The following DIP2C variants were observed in gnomAD, a reference collection of about 807,000 sequenced individuals.
DIP2C encodes the protein DIP2 acetate--CoA ligase C (putative).
In DIP2C, 33 loss-of-function variants were observed where a neutral mutation model predicts 192.4. The observed-to-expected ratio is 0.17, with a 90% CI of 0.13 to 0.23. DIP2C has a LOEUF of 0.23. Among genes scored for constraint, DIP2C ranks in the 10% least tolerant of loss-of-function variants. DIP2C has a pLI of 1.00. For missense variants in DIP2C, 1,537 were observed against 2,110.1 expected (o/e 0.73, Z 5.32); for synonymous variants, 979 against 864.1 (o/e 1.13, Z -2.33).
At chr10:598,705 G>T (rs757527817) in intron 1 of DIP2C, among the ~76,000 whole-genome samples, 2 of 152,128 alleles carry the variant, frequency 1.3e-5, no homozygotes, top group Non-Finnish European at 2.9e-5. Flanking sequence ...AATCCACACC[G>T]TGGCTTGTGT....
chr10:337,438 GA>G (rs2132526938), intron 29 of DIP2C, among the ~76,000 whole-genome samples: 3 of 147,394 alleles, frequency 2.0e-5, no homozygotes, highest in South Asian at 2.2e-4. Flanking sequence ...GGCCTAGGCT[GA>G]TTGTGTGTGC....
intron 1 of DIP2C, among the ~76,000 whole-genome samples, chr10:673,525 A>G (rs1240874296): frequency 6.6e-6 from 1 of 152,172 alleles, no homozygotes; most frequent in Non-Finnish European, 1.5e-5. Flanking sequence ...AATCAAAACT[A>G]TCAGCAGAAT....
chr10:682,700 A>G (rs538682980), intron 1 of DIP2C, among the ~76,000 whole-genome samples: 2 of 152,244 alleles, frequency 1.3e-5, no homozygotes, highest in South Asian at 4.1e-4. Context: ...TTTTAATGGT[A>G]TATTACTTCT....
chr10:485,981 C>T (rs902665799), intron 2 of DIP2C, among the ~76,000 whole-genome samples: 2 of 152,200 alleles, frequency 1.3e-5, no homozygotes, highest in Non-Finnish European at 2.9e-5. Flanking sequence ...AACCGACTGC[C>T]CTTCTCAAGA....
At chr10:442,141 A>ATGGCCAG (rs1967790117) in intron 3 of DIP2C, among the ~76,000 whole-genome samples, 1 of 152,028 alleles carries the variant, frequency 6.6e-6, no homozygotes, top group Non-Finnish European at 1.5e-5. Flanking sequence ...ACCAACCAAA[A>ATGGCCAG]TGGCCAGTGT....
intron 1 of DIP2C, among the ~76,000 whole-genome samples, chr10:607,773 ACCT>A (rs1211946503): frequency 6.6e-6 from 1 of 151,896 alleles, no homozygotes; most frequent in Admixed American, 6.6e-5. Flanking sequence ...GACAATGGAA[ACCT>A]CTTCTTAGAC....
At chr10:513,200 C>G (rs563652143) in intron 1 of DIP2C, among the ~76,000 whole-genome samples, 2 of 151,994 alleles carry the variant, frequency 1.3e-5, no homozygotes, top group East Asian at 3.9e-4. Context: ...TAAATTATTA[C>G]ATGTTTAGTC....
At chr10:318,594 A>G (rs917652707) in intron 31 of DIP2C, among the ~76,000 whole-genome samples, 1 of 152,174 alleles carries the variant, frequency 6.6e-6, no homozygotes, top group Non-Finnish European at 1.5e-5. Context: ...GGTGCCTCAA[A>G]CTGCCAAAGG....
At chr10:495,032 CAA>C (rs1844714859) in intron 1 of DIP2C, among the ~76,000 whole-genome samples, 1 of 152,210 alleles carries the variant, frequency 6.6e-6, no homozygotes, top group African/African-American at 2.4e-5. Context: ...ATGGACAAAA[CAA>C]ATACTATTCA....
intron 1 of DIP2C, among the ~76,000 whole-genome samples, chr10:575,774 A>G (rs547062558): frequency 8.5e-5 from 13 of 152,228 alleles, no homozygotes; most frequent in Non-Finnish European, 1.8e-4. Flanking sequence ...GCAGGGCCAG[A>G]GCCAGGGGCA....
intron 31 of DIP2C, among the ~76,000 whole-genome samples, chr10:325,740 C>T (rs1957243005): frequency 6.6e-6 from 1 of 152,104 alleles, no homozygotes; most frequent in Admixed American, 6.6e-5. Context: ...TTCAGATGAC[C>T]TCTTAGAAAA....
chr10:275,404 A>C lies in DIP2C; in HGVS notation c.*1921T>G, dbSNP rs1954462741. 1.3e-5 allele frequency: 2 copies of C among 152,152 alleles called. No individual in the cohort carries two copies. The highest frequency in any genetic ancestry group is 1.3e-4 in the Admixed American group (2 of 15,278). The allele number at this position is 152,152 out of a possible 1,614,324, so 9.4% of individuals were successfully genotyped here. A position where few individuals can be genotyped will look rare whatever the true frequency, so the allele number is the denominator to read the frequency against. Reference sequence around the variant, plus strand: ...CAATGAGGTCAAACAATATTTCAAGAATCAAATGGTTTGTGGAGATGGAAG... The same window carrying C: ...CAATGAGGTCAAACAATATTTCAAGCATCAAATGGTTTGTGGAGATGGAAG... On this transcript the variant is annotated 3_prime_UTR_variant, in exon 37 of 37. Transcript: ENST00000280886.
At chr10:502,455 A>C (rs2130715423) in intron 1 of DIP2C, among the ~76,000 whole-genome samples, 1 of 152,346 alleles carries the variant, frequency 6.6e-6, no homozygotes, top group South Asian at 2.1e-4. Flanking sequence ...ATTCGAAAAA[A>C]GTAAGGTCTC....
chr10:348,860 G>C, intron 25 of DIP2C, 98 bp from the exon 26 acceptor site: 1 of 1,536,760 alleles, frequency 6.5e-7, no homozygotes, highest in Non-Finnish European at 8.8e-7. Flanking sequence ...AAGTTCAACA[G>C]GGAAACGAGC....
rs143327925 is a variant in DIP2C, at chr10:433,436, G to A, written c.394+7435C>T. ...TCATGCCTGTAATCCCAGCACTTTA[G>A]GAGGCCGAGGCAGGATGATCACCTG... On this transcript the variant is annotated intron_variant, in intron 4 of 36. Transcript: ENST00000280886. Among the ~76,000 whole-genome samples, 7 of 152,220 alleles carry A rather than the reference G, an allele frequency of 4.6e-5. No homozygotes were observed. In the East Asian group the frequency reaches 1.3e-3, roughly 29 times the overall value.
chr10:490,619 A>G (rs1210243530), intron 1 of DIP2C, among the ~76,000 whole-genome samples: 4 of 152,290 alleles, frequency 2.6e-5, no homozygotes, highest in Admixed American at 6.5e-5. Context: ...AAAATTCCAA[A>G]CAGCATATTT....
intron 17 of DIP2C, among the ~76,000 whole-genome samples, chr10:371,247 C>T (rs555664987): frequency 5.8e-4 from 88 of 152,252 alleles, no homozygotes; most frequent in Non-Finnish European, 1.1e-3. Context: ...GCGTGGAAGT[C>T]AGGCACTGTG....
intron 29 of DIP2C, among the ~76,000 whole-genome samples, chr10:335,917 G>T (rs912553299): frequency 3.3e-5 from 5 of 152,076 alleles, no homozygotes; most frequent in Non-Finnish European, 7.4e-5. Flanking sequence ...CTTTATTCTT[G>T]AGACAGGGTC....
intron 10 of DIP2C, among the ~76,000 whole-genome samples, 187 bp from the exon 11 acceptor site, chr10:391,050 G>A (rs1963419968): frequency 6.6e-6 from 1 of 152,186 alleles, no homozygotes; most frequent in African/African-American, 2.4e-5. Flanking sequence ...GTCCTCACGT[G>A]TAAAACAGGT....
Sources: gnomAD v4.1 joint callset for allele counts (sites outside exome capture counted in the v4.1 genomes callset) on GRCh38, gnomAD v4.1.1 for gene constraint, MANE v1.5 for transcripts, NCBI Gene and HGNC (gene_info 2026-07-23, HGNC 2026-07-21) for gene names.